The following SUSD3 variants were observed in gnomAD, a reference collection of about 807,000 sequenced individuals.
SUSD3 encodes the protein sushi domain-containing protein 3.
SUSD3 carries 18 observed loss-of-function variants against 20.6 expected under a neutral mutation model. The ratio of observed to expected loss-of-function variants is 0.87; its 90% confidence interval spans 0.60 to 1.30. SUSD3 has a LOEUF of 1.30. SUSD3 is among the 50% of genes most tolerant of loss of function. The pLI is 0.00. For missense variants in SUSD3, 306 were observed against 346.9 expected (o/e 0.88, Z 0.94); for synonymous variants, 137 against 141.5 (o/e 0.97, Z 0.23).
At chr9:93,071,536 G>A (rs916695094) in intron 1 of SUSD3, among the ~76,000 whole-genome samples, 3 of 152,292 alleles carry the variant, frequency 2.0e-5, no homozygotes, top group Middle Eastern at 3.4e-3. Context: ...ATTAGATGGT[G>A]CCCACCAGAT....
chr9:93,075,735 T>TGGGGGGGGGGGGGGGG, intron 1 of SUSD3, 49 bp from the exon 2 acceptor site: 12 of 247,422 alleles, frequency 4.9e-5, no homozygotes, highest in East Asian at 2.2e-4. Context: ...CTGCCCTGCG[T>TGGGGGGGGGGGGGGGG]GCCCACCCCC....
intron 1 of SUSD3, 26 bp from the exon 2 acceptor site, chr9:93,075,758 T>G: frequency 5.2e-6 from 1 of 193,854 alleles, no homozygotes; most frequent in African/African-American, 1.0e-4. Context: ...CCCCCCGCCA[T>G]GCCTCATACC....
intron 4 of SUSD3, among the ~76,000 whole-genome samples, chr9:93,083,501 C>T (rs1047012546): frequency 5.9e-5 from 9 of 152,208 alleles, no homozygotes; most frequent in Admixed American, 3.9e-4. Context: ...TTCATAAGTA[C>T]TTCTCAGCAC....
Position 93,079,264 on chromosome 9 carries a change from A to T in SUSD3, c.426-207A>T, listed in dbSNP as rs73651360. Among the ~76,000 whole-genome samples the T allele has an allele frequency of 5.7e-3, 867 of 152,304 alleles. 10 individuals are homozygous for T. Among genetic ancestry groups the T allele is most frequent in the African/African-American group, 0.02 (828 of 41,566 alleles). Reference sequence around the variant, plus strand: ...GTTCATTGTCTACTGGTGTGTGGCTACTTTTGGGCTGCAATTGCAGAGTTT... The same window carrying T: ...GTTCATTGTCTACTGGTGTGTGGCTTCTTTTGGGCTGCAATTGCAGAGTTT... On this transcript the variant is annotated intron_variant, in intron 3 of 4. Coordinates refer to ENST00000375472, the MANE Select transcript of SUSD3 (RefSeq NM_145006.4).
intron 1 of SUSD3, 53 bp from the exon 2 acceptor site, chr9:93,075,731 T>TGGGGGGGGGGGGGGGGGG: frequency 1.3e-5 from 5 of 398,890 alleles, no homozygotes; most frequent in East Asian, 4.8e-5. Flanking sequence ...AGCCCTGCCC[T>TGGGGGGGGGGGGGGGGGG]GCGTGCCCAC....
At chr9:93,074,813 C>G (rs1245326599) in intron 1 of SUSD3, among the ~76,000 whole-genome samples, 1 of 151,910 alleles carries the variant, frequency 6.6e-6, no homozygotes, top group African/African-American at 2.4e-5. Flanking sequence ...TGGGGTTTCA[C>G]CATGTTGGCC....
intron 1 of SUSD3, among the ~76,000 whole-genome samples, chr9:93,066,724 T>TC (rs763301857): frequency 9.9e-5 from 15 of 151,692 alleles, no homozygotes; most frequent in Admixed American, 2.0e-4. Context: ...TTTATTTTAT[T>TC]TTTTGAGACG....
intron 4 of SUSD3, among the ~76,000 whole-genome samples, chr9:93,081,557 G>A (rs1041251383): frequency 5.9e-5 from 9 of 152,036 alleles, no homozygotes; most frequent in Non-Finnish European, 8.8e-5. Flanking sequence ...TGTTACTGTC[G>A]TTGCCACTCT....
chr9:93,062,771 G>A (rs1825558756), intron 1 of SUSD3, among the ~76,000 whole-genome samples: 1 of 152,174 alleles, frequency 6.6e-6, no homozygotes, highest in African/African-American at 2.4e-5. Context: ...CTGTGCGGTG[G>A]TTAGAGACAA....
chr9:93,077,526 C>G (rs935590618), intron 2 of SUSD3, among the ~76,000 whole-genome samples: 39 of 152,262 alleles, frequency 2.6e-4, no homozygotes, highest in African/African-American at 8.9e-4. Flanking sequence ...TCTGCACACT[C>G]CTACACACCC....
intron 1 of SUSD3, among the ~76,000 whole-genome samples, chr9:93,070,685 C>G (rs1435855671): frequency 6.6e-6 from 1 of 152,196 alleles, no homozygotes; most frequent in African/African-American, 2.4e-5. Context: ...TCCTCAGCAC[C>G]CCAGTCCAAG....
At chr9:93,075,751 CCCG>C (rs1554748857) in intron 1 of SUSD3, 30 bp from the exon 2 acceptor site, 5 of 248,718 alleles carry the variant, frequency 2.0e-5, no homozygotes, top group East Asian at 2.2e-4. Flanking sequence ...CCCCCCCCCC[CCCG>C]CCATGCCTCA....
chr9:93,061,782 C>A (rs553318378), intron 1 of SUSD3, among the ~76,000 whole-genome samples: 311 of 152,298 alleles, frequency 2.0e-3, no homozygotes, highest in African/African-American at 7.1e-3. Context: ...CCTGAAGGTT[C>A]CTGTTTCACA....
At chr9:93,070,452 C>T (rs1825869030) in intron 1 of SUSD3, among the ~76,000 whole-genome samples, 1 of 152,234 alleles carries the variant, frequency 6.6e-6, no homozygotes, top group Admixed American at 6.5e-5. Flanking sequence ...TCCCCAGATA[C>T]TGAAGGGGCA....
At chr9:93,073,250 T>G (rs1825983161) in intron 1 of SUSD3, among the ~76,000 whole-genome samples, 1 of 148,066 alleles carries the variant, frequency 6.8e-6, no homozygotes, top group Non-Finnish European at 1.5e-5. Flanking sequence ...TGTTCTTTTT[T>G]TTTTTTTTTT....
intron 1 of SUSD3, chr9:93,068,966 C>T: frequency 3.7e-6 from 2 of 536,104 alleles, no homozygotes; most frequent in Non-Finnish European, 6.7e-6. Context: ...TAAGTTATAC[C>T]AATTATAACA....
In SUSD3 at chr9:93,084,856, G is replaced by A; in HGVS notation, c.*109G>A. 9.6e-7 allele frequency: 1 copy of A among 1,041,182 alleles called. No individual in the cohort carries two copies. 64.5% of individuals were successfully genotyped at this position (1,041,182 alleles called of 1,614,324 possible). On this transcript the variant is annotated 3_prime_UTR_variant, in exon 5 of 5. Coordinates refer to ENST00000375472, the MANE Select transcript of SUSD3 (RefSeq NM_145006.4). ...CTCCACATGCGCCCAGCTCGAGACT[G>A]ATGAGTGGAATCAGCTTCCAGGTGT...
At chr9:93,065,189 G>A (rs1012986142) in intron 1 of SUSD3, among the ~76,000 whole-genome samples, 3 of 152,172 alleles carry the variant, frequency 2.0e-5, no homozygotes, top group Admixed American at 1.3e-4. Flanking sequence ...TCTTTTGAAC[G>A]TGCAGCAGAG....
chr9:93,082,309 C>G (rs202183712), intron 4 of SUSD3, among the ~76,000 whole-genome samples: 4 of 120,104 alleles, frequency 3.3e-5, no homozygotes, highest in African/African-American at 2.2e-4. Context: ...AGGCCTCTTT[C>G]CTTTTTTTTT....
Sources: gnomAD v4.1 joint callset for allele counts (sites outside exome capture counted in the v4.1 genomes callset) on GRCh38, gnomAD v4.1.1 for gene constraint, MANE v1.5 for transcripts, NCBI Gene and HGNC (gene_info 2026-07-23, HGNC 2026-07-21) for gene names.